The following DLGAP1 variants were observed in gnomAD, a reference collection of about 807,000 sequenced individuals.
DLGAP1 encodes DLG associated protein 1.
A neutral mutation model predicts 90.8 loss-of-function variants in DLGAP1; 11 were observed. The ratio of observed to expected loss-of-function variants is 0.12; its 90% CI spans 0.08 to 0.20. The LOEUF (loss-of-function observed/expected upper bound fraction) is 0.20, where lower values mean the gene tolerates loss of function less well. DLGAP1 is among the 10% of genes least tolerant of loss of function. DLGAP1 has a pLI of 1.00. For missense variants in DLGAP1, 1,050 were observed against 1,333.8 expected, an observed-to-expected ratio of 0.79 and a Z score of 3.31; for synonymous variants, 558 against 540.7, an observed-to-expected ratio of 1.03 and a Z score of -0.44.
intron 1 of DLGAP1, among the ~76,000 whole-genome samples, chr18:4,431,588 T>C (rs1019464886): frequency 2.6e-5 from 4 of 152,190 alleles, no homozygotes; most frequent in Non-Finnish European, 4.4e-5. Context: ...AGGTGAAAAA[T>C]ATGCTTTGGC....
chr18:4,093,814 C>T (rs12954539), intron 2 of DLGAP1, among the ~76,000 whole-genome samples: 82,600 of 151,738 alleles, frequency 0.54, 23,224 homozygotes, highest in Non-Finnish European at 0.62. Context: ...CTCATTGCAC[C>T]CCTGCTTCCT....
intron 4 of DLGAP1, among the ~76,000 whole-genome samples, chr18:3,862,467 C>T (rs1465731058): frequency 1.3e-5 from 2 of 152,166 alleles, no homozygotes; most frequent in African/African-American, 4.8e-5. Context: ...CAAAACTCAG[C>T]GTGAGAATGG....
intron 1 of DLGAP1, among the ~76,000 whole-genome samples, chr18:4,423,314 A>G (rs779137658): frequency 5.6e-4 from 86 of 152,344 alleles, no homozygotes; most frequent in Non-Finnish European, 1.0e-3. Context: ...GCTCACAGGC[A>G]GAACATCTGC....
intron 7 of DLGAP1, chr18:3,606,763 AT>A (rs992749819): frequency 6.6e-6 from 1 of 152,180 alleles, no homozygotes; most frequent in Non-Finnish European, 1.5e-5. Context: ...CACCTGCATT[AT>A]TTTGTAATTA....
chr18:3,943,202 C>T (rs564931556), intron 3 of DLGAP1, among the ~76,000 whole-genome samples: 8 of 152,172 alleles, frequency 5.3e-5, no homozygotes, highest in South Asian at 2.1e-4. Context: ...TGAATCTGCA[C>T]GCCTCTGTCA....
chr18:4,337,158 T>G (rs1250417060), intron 1 of DLGAP1, among the ~76,000 whole-genome samples: 17 of 146,486 alleles, frequency 1.2e-4, no homozygotes, highest in African/African-American at 4.2e-4. Context: ...AAAGTAGTAG[T>G]AGGTCAGTTG....
chr18:4,100,017 T>TA (rs60128809), intron 2 of DLGAP1, among the ~76,000 whole-genome samples: 44,558 of 151,996 alleles, frequency 0.29, 7,066 homozygotes, highest in African/African-American at 0.4. Context: ...CATGCCTGGC[T>TA]AATTTATTTC....
intron 7 of DLGAP1, among the ~76,000 whole-genome samples, chr18:3,587,302 G>T (rs1459993199): frequency 6.6e-6 from 1 of 152,152 alleles, no homozygotes; most frequent in East Asian, 1.9e-4. Flanking sequence ...TGATTCACCT[G>T]CCTCGGCCTC....
At chr18:4,331,705 C>T (rs1402287550) in intron 1 of DLGAP1, among the ~76,000 whole-genome samples, 2 of 151,862 alleles carry the variant, frequency 1.3e-5, no homozygotes, top group Admixed American at 1.3e-4. Flanking sequence ...GACCACCACA[C>T]TTCGGTTCCT....
At position 4,357,047 on chromosome 18, in the gene DLGAP1, ATCTG is replaced by A. The variant is rs551351278; in HGVS notation, c.-267+97955_-267+97958del. On this transcript the variant is annotated intron_variant, in intron 1 of 12. Coordinates refer to ENST00000315677, the MANE Select transcript of DLGAP1 (RefSeq NM_004746.4). ...CTTGCTGTTCTCCAAAGGACTCATCATCTGTCTGTCTGTCTCTCTCTCTCTCTGT... is the reference window on the plus strand; with the variant it reads ...CTTGCTGTTCTCCAAAGGACTCATCATCTGTCTGTCTCTCTCTCTCTCTGT... Among the ~76,000 whole-genome samples the A allele has an allele frequency of 2.4e-3, 354 of 148,208 alleles. 1 individual carries two copies. Among genetic ancestry groups the A allele is most frequent in the Non-Finnish European group, 3.5e-3 (237 of 67,436 alleles).
chr18:3,794,446 C>T (rs2065886828), intron 5 of DLGAP1, among the ~76,000 whole-genome samples: 1 of 152,172 alleles, frequency 6.6e-6, no homozygotes, highest in South Asian at 2.1e-4. Flanking sequence ...CTTGCTCTTA[C>T]TACCTTGTTG....
chr18:3,720,743 G>C (rs1250976073), intron 7 of DLGAP1, among the ~76,000 whole-genome samples: 2 of 151,766 alleles, frequency 1.3e-5, no homozygotes, highest in East Asian at 3.9e-4. Flanking sequence ...TTAAATGGCA[G>C]TTTCTTCCAT....
chr18:3,511,416 A>G (rs557905688), intron 10 of DLGAP1, among the ~76,000 whole-genome samples: 2 of 152,352 alleles, frequency 1.3e-5, no homozygotes, highest in South Asian at 4.1e-4. Flanking sequence ...TTAATAAACA[A>G]TAAATGGTAA....
intron 2 of DLGAP1, among the ~76,000 whole-genome samples, chr18:4,054,665 G>A (rs965691272): frequency 6.6e-6 from 1 of 152,128 alleles, no homozygotes; most frequent in Non-Finnish European, 1.5e-5. Context: ...GAAGGTACAA[G>A]ACCCAAACAC....
intron 1 of DLGAP1, among the ~76,000 whole-genome samples, chr18:4,216,655 T>G (rs1344985969): frequency 6.6e-6 from 1 of 152,132 alleles, no homozygotes; most frequent in Non-Finnish European, 1.5e-5. Flanking sequence ...AGGCTTAGAA[T>G]AGACAACTTC....
rs1481575063 is a variant in DLGAP1 at position 4,103,343 on chromosome 18, A to C, written c.-159+47837T>G. 2.0e-4 allele frequency among the ~76,000 whole-genome samples: 30 copies of C among 152,092 alleles called. 1 individual carries two copies. Among genetic ancestry groups the C allele is most frequent in the Admixed American group, 2.0e-3 (30 of 15,274 alleles). On this transcript the variant is annotated intron_variant, in intron 2 of 12. Coordinates refer to ENST00000315677, the MANE Select transcript of DLGAP1 (RefSeq NM_004746.4). ...GGCTTCTATGTATAATATATCACAA[A>C]AGTTTAATAGTTGTCTTCAATAGGT...
chr18:4,254,461 G>A (rs939919782), intron 1 of DLGAP1, among the ~76,000 whole-genome samples: 1 of 152,158 alleles, frequency 6.6e-6, no homozygotes, highest in Admixed American at 6.5e-5. Flanking sequence ...ATAGCCGGTT[G>A]TTCTTAATTG....
At position 3,711,328 on chromosome 18, in the gene DLGAP1, T is replaced by C. The variant is rs2061590264; in HGVS notation, c.1591+17807A>G. Among the ~76,000 whole-genome samples, 1 of 152,248 alleles carries C rather than the reference T, an allele frequency of 6.6e-6. No homozygotes were observed. The highest frequency in any genetic ancestry group is 2.1e-4 in the South Asian group (1 of 4,824). ...TTCATCATGCAAGTGAATCAGATCA[T>C]ATCACTATGAATGATAAAAATTGTG... On this transcript the variant is annotated intron_variant, in intron 7 of 12. Coordinates refer to ENST00000315677, the MANE Select transcript of DLGAP1 (RefSeq NM_004746.4). This position sits in a 1 kb window ranked among gnomAD's most constrained non-coding sequence, Gnocchi z 4.0.
intron 3 of DLGAP1, among the ~76,000 whole-genome samples, chr18:4,001,341 T>C (rs2074181129): frequency 6.8e-6 from 1 of 146,576 alleles, no homozygotes; most frequent in African/African-American, 2.5e-5. Context: ...ATCTTTTTTT[T>C]CAGCTTGAGT....
Sources: gnomAD v4.1 joint callset for allele counts (sites outside exome capture counted in the v4.1 genomes callset) on GRCh38, gnomAD v4.1.1 for gene constraint, Gnocchi (gnomAD v3.1) non-coding constraint, MANE v1.5 for transcripts, NCBI Gene and HGNC (gene_info 2026-07-23, HGNC 2026-07-21) for gene names.